BLOC1S5: variants seen among roughly 807,000 people sequenced by gnomAD.
The protein encoded by BLOC1S5 is biogenesis of lysosome-related organelles complex 1 subunit 5.
A neutral mutation model predicts 24.3 loss-of-function variants in BLOC1S5; 27 were observed. The ratio of observed to expected loss-of-function variants is 1.11; its 90% CI spans 0.82 to 1.53. BLOC1S5 has a LOEUF of 1.53. Among genes scored for constraint, BLOC1S5 ranks in the 40% most tolerant of loss-of-function variants. The pLI is 0.00. For synonymous variants in BLOC1S5, 84 were observed against 74.5 expected (o/e 1.13, Z -0.66); for missense variants, 239 against 229.4 (o/e 1.04, Z -0.27).
chr6:8,041,312 C>CTTTTTTTTTTTT (rs55949249), intron 2 of BLOC1S5, 44 bp from the exon 3 acceptor site: 13 of 1,081,694 alleles, frequency 1.2e-5, no homozygotes, highest in East Asian at 7.3e-5. Context: ...GTGTCTTTTC[C>CTTTTTTTTTTTT]TTTTTTTTTT....
At chr6:8,037,499 T>C (rs1199897135) in intron 3 of BLOC1S5, among the ~76,000 whole-genome samples, 1 of 152,156 alleles carries the variant, frequency 6.6e-6, no homozygotes, top group Non-Finnish European at 1.5e-5. Context: ...TGGAAAGATA[T>C]CCATGCTCTG....
At chr6:8,042,301 TTTC>T (rs1430612390) in intron 2 of BLOC1S5, among the ~76,000 whole-genome samples, 1 of 152,226 alleles carries the variant, frequency 6.6e-6, no homozygotes, top group Non-Finnish European at 1.5e-5. Flanking sequence ...TCTGATTCCC[TTTC>T]TTTTCTCAAA....
At position 8,015,817 on chromosome 6, in the gene BLOC1S5, G is replaced by C; in HGVS notation, c.396C>G (p.Asp132Glu). Residue 132 changes from aspartate (D) to glutamate (E), a missense_variant, in exon 5 of 5, where the codon GAC becomes GAG. By Grantham distance (45) the Asp-to-Glu change is conservative. Transcript: ENST00000397457. ...REQERKKIHS[D>E]HLVASEKQHM... The stretch of plus-strand genomic sequence containing the variant: ...GCTGTTTCTCACTAGCTACTAAGTG[G>C]TCACTATGAATCTGAGAAAAGAAAA... 6.2e-7 allele frequency: 1 copy of C among 1,609,388 alleles called. No homozygotes were observed. Among genetic ancestry groups the C allele is most frequent in the Non-Finnish European group, 8.5e-7 (1 of 1,178,864 alleles).
intron 3 of BLOC1S5, among the ~76,000 whole-genome samples, chr6:8,034,084 A>C (rs1763400926): frequency 6.6e-6 from 1 of 152,174 alleles, no homozygotes; most frequent in Non-Finnish European, 1.5e-5. Flanking sequence ...TTCCTCAAGG[A>C]TCTAGAACTA....
intron 4 of BLOC1S5, among the ~76,000 whole-genome samples, chr6:8,016,997 T>C (rs1480226071): frequency 2.0e-5 from 3 of 151,956 alleles, no homozygotes; most frequent in Admixed American, 6.6e-5. Flanking sequence ...TATTGCTATA[T>C]AAGGATGAAA....
intron 3 of BLOC1S5, among the ~76,000 whole-genome samples, chr6:8,034,305 A>C (rs1465682955): frequency 6.6e-6 from 1 of 152,244 alleles, no homozygotes; most frequent in Non-Finnish European, 1.5e-5. Flanking sequence ...AGCCATAAAA[A>C]AGGATGAGTT....
At chr6:8,062,699 T>C (rs761258538) in intron 1 of BLOC1S5, 83 bp from the exon 2 acceptor site, 12 of 891,968 alleles carry the variant, frequency 1.3e-5, no homozygotes, top group African/African-American at 8.5e-5. Context: ...CCTTCCCCAC[T>C]AAGAGATGAA....
chr6:8,022,181 C>A (rs747046948), intron 4 of BLOC1S5, among the ~76,000 whole-genome samples: 6 of 150,576 alleles, frequency 4.0e-5, no homozygotes, highest in Admixed American at 1.3e-4. Context: ...GCATTTTACA[C>A]CCCTCTTCCC....
chr6:8,061,997 A>C (rs1764530021), intron 2 of BLOC1S5, among the ~76,000 whole-genome samples: 1 of 152,248 alleles, frequency 6.6e-6, no homozygotes, highest in Non-Finnish European at 1.5e-5. Flanking sequence ...TTCCTCTGGC[A>C]GCAGGGTGAA....
intron 3 of BLOC1S5, among the ~76,000 whole-genome samples, chr6:8,029,529 G>C (rs1763225500): frequency 6.6e-6 from 1 of 152,142 alleles, no homozygotes; most frequent in Non-Finnish European, 1.5e-5. Flanking sequence ...ATATCCTCAA[G>C]GACAGCCAGA....
At position 8,064,350 on chromosome 6, in the gene BLOC1S5, AG is replaced by A; in HGVS notation, c.26del (p.Pro9LeufsTer53). The A allele has an allele frequency of 6.2e-7, 1 of 1,612,030 alleles. No individual in the cohort carries two copies. Among genetic ancestry groups the A allele is most frequent in the Non-Finnish European group, 8.5e-7 (1 of 1,179,808 alleles). ...CGCCCGGGGCGGCCTCACAACCCAC[AG>A]GGGTCTCTGTCCCTCCGCCACTCAT... MSGGGTET[P>X]VGCEAAPGGG... On this transcript the variant is annotated frameshift_variant, in exon 1 of 5. Coordinates refer to ENST00000397457, the MANE Select transcript of BLOC1S5 (RefSeq NM_201280.3). LOFTEE classifies it high-confidence loss of function.
At chr6:8,023,509 G>C (rs542959018) in intron 4 of BLOC1S5, among the ~76,000 whole-genome samples, 2 of 151,966 alleles carry the variant, frequency 1.3e-5, no homozygotes, top group East Asian at 3.9e-4. Context: ...AGAATCACTT[G>C]AACCCGGGAG....
At chr6:8,062,117 C>G (rs956438014) in intron 2 of BLOC1S5, among the ~76,000 whole-genome samples, 1 of 152,058 alleles carries the variant, frequency 6.6e-6, no homozygotes, top group Non-Finnish European at 1.5e-5. Context: ...GAATGTGGAA[C>G]CTGTAAGAAA....
At chr6:8,038,261 A>T (rs1763554667) in intron 3 of BLOC1S5, among the ~76,000 whole-genome samples, 1 of 152,224 alleles carries the variant, frequency 6.6e-6, no homozygotes, top group Admixed American at 6.5e-5. Context: ...ATCTGACAAC[A>T]GATTAATAAC....
At chr6:8,019,284 T>C (rs1762842914) in intron 4 of BLOC1S5, among the ~76,000 whole-genome samples, 1 of 151,740 alleles carries the variant, frequency 6.6e-6, no homozygotes, top group African/African-American at 2.4e-5. Context: ...TTTTTTTTTT[T>C]TGAGATGGAG....
At chr6:8,026,021 G>T (rs1763090069) in intron 4 of BLOC1S5, among the ~76,000 whole-genome samples, 2 of 152,088 alleles carry the variant, frequency 1.3e-5, no homozygotes, top group African/African-American at 4.8e-5. Flanking sequence ...GAAATATACA[G>T]AATATACTCA....
At chr6:8,041,537 C>T (rs925548752) in intron 2 of BLOC1S5, among the ~76,000 whole-genome samples, 11 of 152,030 alleles carry the variant, frequency 7.2e-5, no homozygotes, top group African/African-American at 2.7e-4. Context: ...TGGTCTCGAT[C>T]TCCTGACCTT....
At chr6:8,027,082 G>A (rs1208089449) in intron 3 of BLOC1S5, 4 of 267,068 alleles carry the variant, frequency 1.5e-5, no homozygotes, top group Non-Finnish European at 3.0e-5. Flanking sequence ...TAAAGACTTG[G>A]CTCTTACTAT....
At chr6:8,059,213 T>A (rs1764432241) in intron 2 of BLOC1S5, among the ~76,000 whole-genome samples, 1 of 152,192 alleles carries the variant, frequency 6.6e-6, no homozygotes, top group Non-Finnish European at 1.5e-5. Context: ...TTCATTGGAA[T>A]CAAGGGAAAA....
Sources: gnomAD v4.1 joint callset for allele counts (sites outside exome capture counted in the v4.1 genomes callset) on GRCh38, gnomAD v4.1.1 for gene constraint, MANE v1.5 for transcripts, NCBI Gene and HGNC (gene_info 2026-07-23, HGNC 2026-07-21) for gene names.